Variants in EPHB4 observed in about 807,000 individuals in gnomAD.
EPHB4 encodes EPH receptor B4, also known as ephrin type-B receptor 4.
In EPHB4, 50 loss-of-function variants were observed where a neutral mutation model predicts 110.6. That is an observed-to-expected ratio of 0.45 (90% CI 0.36 to 0.57). The LOEUF is 0.57. Ranked by LOEUF, EPHB4 falls within the 20% of genes least tolerant of loss-of-function variation. EPHB4 has a pLI of 0.00. For missense variants in EPHB4, 1,128 were observed against 1,382.1 expected (o/e 0.82, Z 2.91); for synonymous variants, 592 against 578.4 (o/e 1.02, Z -0.34).
At chr7:100,819,921 G>T in intron 5 of EPHB4, 32 bp from the exon 6 acceptor site, 1 of 1,526,662 alleles carries the variant, frequency 6.6e-7, no homozygotes, top group South Asian at 1.2e-5. Context: ...GGCAGAGGCC[G>T]ACCTGCTCTG....
intron 6 of EPHB4, among the ~76,000 whole-genome samples, chr7:100,819,222 C>G (rs1459535375): frequency 6.6e-6 from 1 of 152,184 alleles, no homozygotes; most frequent in African/African-American, 2.4e-5. Context: ...AAGCAATCCT[C>G]CTGCCTCAGC....
Position 100,806,506 on chromosome 7 carries a change from C to A in EPHB4, c.2398G>T (p.Ala800Ser). Residue 800 changes from alanine to serine, a missense_variant, in exon 14 of 17, where the codon GCC becomes TCC. Physicochemically the swap from Ala to Ser is moderately conservative, Grantham distance 99. Around this residue, in one of 3 missense-constraint regions of EPHB4, gnomAD observed 191 missense variants for 313.0 expected, o/e 0.61. Transcript: ENST00000358173. ...ATCCCGTAACTCCAGGCATCACTGGCGGAAGTGAACTTCCGGAAGGCAATG... is the reference window on the plus strand; with the variant it reads ...ATCCCGTAACTCCAGGCATCACTGGAGGAAGTGAACTTCCGGAAGGCAATG... ...EAIAFRKFTS[A>S]SDAWSYGIVM... 3 of 1,614,058 alleles carry A rather than the reference C, an allele frequency of 1.9e-6. No homozygotes were observed. The highest frequency in any genetic ancestry group is 2.5e-6 in the Non-Finnish European group (3 of 1,180,000).
At chr7:100,804,697 G>T (rs935524735) in intron 16 of EPHB4, among the ~76,000 whole-genome samples, 4 of 152,100 alleles carry the variant, frequency 2.6e-5, no homozygotes, top group Non-Finnish European at 5.9e-5. Context: ...GGCAGAAAGG[G>T]GGAGTAGCAG....
At chr7:100,821,459 C>G (rs1045256406) in intron 4 of EPHB4, among the ~76,000 whole-genome samples, 1 of 150,528 alleles carries the variant, frequency 6.6e-6, no homozygotes. Flanking sequence ...GAAACTCCAT[C>G]TCTACTAAAA....
At chr7:100,805,358 G>A (rs1331842674) in intron 15 of EPHB4, 37 bp from the exon 16 acceptor site, 1 of 1,611,422 alleles carries the variant, frequency 6.2e-7, no homozygotes, top group East Asian at 2.2e-5. Flanking sequence ...CTGAGTACCA[G>A]GCCCAGGTCC....
chr7:100,815,206 C>T (rs1813037749), intron 8 of EPHB4, among the ~76,000 whole-genome samples: 1 of 151,658 alleles, frequency 6.6e-6, no homozygotes, highest in Admixed American at 6.6e-5. Context: ...GCCTACAGTC[C>T]CAGCTGCTTG....
rs755423722 is a variant in EPHB4, at chr7:100,822,678, G to C, written c.412-11C>G. On this transcript the variant is annotated splice_polypyrimidine_tract_variant and intron_variant, in intron 3 of 16. Transcript: ENST00000358173. This position sits in a 1 kb window ranked among gnomAD's most constrained non-coding sequence, Gnocchi z 4.7. ...GGCCACCGTGTCCACCTGCCGGCGG[G>C]GGGGAGGCACACCGCTGCTGTCCCC... 9.5e-5 allele frequency: 147 copies of C among 1,541,190 alleles called. No individual in the cohort carries two copies. Among genetic ancestry groups the C allele is most frequent in the South Asian group, 1.1e-4 (9 of 81,896 alleles).
Position 100,817,303 on chromosome 7 carries a change from C to G in EPHB4, c.1477G>C (p.Glu493Gln). 1 of 1,593,404 alleles carries G rather than the reference C, an allele frequency of 6.3e-7. No individual in the cohort carries two copies. The highest frequency in any genetic ancestry group is 8.5e-7 in the Non-Finnish European group (1 of 1,170,880). The change falls in exon 8 of 17, where the codon GAG becomes CAG. Residue 493 changes from glutamate to glutamine, a missense_variant. Transcript: ENST00000358173. Reference sequence around the variant, plus strand: ...GCTCCCCGCTTCAGCCCCCGCAGCTCTGCCCGGTTTTCTGACGTCTTCAGG... The same window carrying G: ...GCTCCCCGCTTCAGCCCCCGCAGCTGTGCCCGGTTTTCTGACGTCTTCAGG... ...RFLKTSENRAELRGLKRGASY... is the reference protein window; with the variant it reads ...RFLKTSENRAQLRGLKRGASY...
At chr7:100,817,496 G>C in intron 7 of EPHB4, 139 bp from the exon 8 acceptor site, 1 of 886,040 alleles carries the variant, frequency 1.1e-6, no homozygotes, top group South Asian at 1.8e-5. Flanking sequence ...ACTTACGCAT[G>C]CAAGCCATGT....
At position 100,827,086 on chromosome 7, in the gene EPHB4, C is replaced by A. The variant is rs961958871; in HGVS notation, c.-56G>T. On this transcript the variant is annotated 5_prime_UTR_variant, in exon 1 of 17. Coordinates refer to ENST00000358173, the MANE Select transcript of EPHB4 (RefSeq NM_004444.5). ...TGAGTTTGGGGGGCCCTCGCCCCCCCAGGTCTGACTCTCCCTGGGCGGGTG... is the reference window on the plus strand; with the variant it reads ...TGAGTTTGGGGGGCCCTCGCCCCCCAAGGTCTGACTCTCCCTGGGCGGGTG... 39 of 1,537,032 alleles carry A rather than the reference C, an allele frequency of 2.5e-5. No individual in the cohort carries two copies. The highest frequency in any genetic ancestry group is 2.9e-5 in the Non-Finnish European group (33 of 1,136,442).
chr7:100,816,041 C>T (rs1584660201), intron 8 of EPHB4, among the ~76,000 whole-genome samples: 1 of 151,758 alleles, frequency 6.6e-6, no homozygotes, highest in Non-Finnish European at 1.5e-5. Flanking sequence ...GCAGTCCCAG[C>T]ATTTCGGGAA....
intron 8 of EPHB4, among the ~76,000 whole-genome samples, chr7:100,816,091 A>G (rs1813060219): frequency 6.7e-6 from 1 of 148,254 alleles, no homozygotes; most frequent in Non-Finnish European, 1.5e-5. Flanking sequence ...GATCGAGACC[A>G]GGAGGTGGAG....
Position 100,824,227 on chromosome 7 carries a change from C to T in EPHB4, c.99G>A (p.Val33=), listed in dbSNP as rs775621048. ...TKLETADLKW[V]TFPQVDGQWE... is the part of the protein sequence containing the mutation. ...CCTGCCCGTCCACCTGAGGGAATGTCACCCACTTCAGATCAGCAGTTTCCA... is the reference window on the plus strand; with the variant it reads ...CCTGCCCGTCCACCTGAGGGAATGTTACCCACTTCAGATCAGCAGTTTCCA... The change falls in exon 2 of 17, where the codon GTG becomes GTA. Residue 33 remains valine (V), a synonymous_variant. Transcript: ENST00000358173. The T allele has an allele frequency of 5.0e-6, 8 of 1,614,148 alleles. No individual in the cohort carries two copies. The Admixed American group carries it at 1.3e-4, about 27-fold the overall frequency.
chr7:100,826,964 C>T lies in EPHB4; in HGVS notation c.52+15G>A. The T allele has an allele frequency of 2.8e-6, 4 of 1,441,866 alleles. No individual in the cohort carries two copies. The highest frequency in any genetic ancestry group is 3.6e-4 in the Middle Eastern group (2 of 5,558). The allele number at this position is 1,441,866 out of a possible 1,614,324, so 89.3% of individuals were successfully genotyped here. A position where few individuals can be genotyped will look rare whatever the true frequency, so the allele number is the denominator to read the frequency against. On this transcript the variant is annotated intron_variant, in intron 1 of 16. Coordinates refer to ENST00000358173, the MANE Select transcript of EPHB4 (RefSeq NM_004444.5). Reference sequence around the variant, plus strand: ...AGGAGTGACGGGGTGCGCCCCCCCCCGCAAGGAAACTCACCTTCCAAAGCT... The same window carrying T: ...AGGAGTGACGGGGTGCGCCCCCCCCTGCAAGGAAACTCACCTTCCAAAGCT...
chr7:100,814,131 G>C, intron 8 of EPHB4, 110 bp from the exon 9 acceptor site: 1 of 1,182,272 alleles, frequency 8.5e-7, no homozygotes, highest in Non-Finnish European at 1.2e-6. Context: ...CCCCAGTACA[G>C]GGGACAGGTG....
intron 7 of EPHB4, 130 bp downstream of exon 7, chr7:100,818,390 C>T (rs1813134180): frequency 3.5e-6 from 5 of 1,431,624 alleles, no homozygotes; most frequent in Non-Finnish European, 4.7e-6. Flanking sequence ...AGGGGCTTAC[C>T]CAAGGCTGCC....
rs770536938 is a variant in EPHB4, at chr7:100,803,505, G to A, written c.2920C>T (p.Pro974Ser). The change falls in exon 17 of 17, where the codon CCG becomes TCG. Residue 974 changes from proline to serine, a missense_variant. Physicochemically the swap from Pro to Ser is moderately conservative, Grantham distance 74. Around this residue, in one of 3 missense-constraint regions of EPHB4, gnomAD observed 209 missense variants for 240.5 expected, o/e 0.87. Coordinates refer to ENST00000358173, the MANE Select transcript of EPHB4 (RefSeq NM_004444.5). ...SVQHMKSQAK[P>S]GTPGGTGGPA... Reference sequence around the variant, plus strand: ...CCTCCTGTCCCACCCGGGGTTCCCGGCTTGGCCTGGGACTTCATGTGCTGG... The same window carrying A: ...CCTCCTGTCCCACCCGGGGTTCCCGACTTGGCCTGGGACTTCATGTGCTGG... 1.1e-5 allele frequency: 17 copies of A among 1,588,504 alleles called. No individual in the cohort carries two copies. In the Admixed American group the frequency reaches 3.0e-4, roughly 28 times the overall value.
At chr7:100,816,128 C>T (rs1300035415) in intron 8 of EPHB4, among the ~76,000 whole-genome samples, 5 of 150,700 alleles carry the variant, frequency 3.3e-5, no homozygotes, top group African/African-American at 7.3e-5. Flanking sequence ...ATCGCGCCAC[C>T]GCACTCCAGC....
chr7:100,820,003 A>C, intron 5 of EPHB4, 114 bp from the exon 6 acceptor site: 11 of 1,479,402 alleles, frequency 7.4e-6, no homozygotes, highest in Non-Finnish European at 9.0e-6. Context: ...AGTGGGCTCC[A>C]CATGTTCCTC....
Sources: allele counts gnomAD v4.1 joint callset (sites outside exome capture counted in the v4.1 genomes callset), GRCh38; gene constraint gnomAD v4.1.1; regional missense constraint gnomAD v4.1.1; non-coding constraint Gnocchi (gnomAD v3.1); transcripts MANE v1.5; gene names NCBI Gene and HGNC (gene_info 2026-07-23, HGNC 2026-07-21).